RSAD2: variants seen among roughly 807,000 people sequenced by gnomAD.
The protein encoded by RSAD2 is S-adenosylmethionine-dependent nucleotide dehydratase RSAD2.
In RSAD2, 38 loss-of-function variants were observed where a neutral mutation model predicts 37.7. The observed-to-expected ratio is 1.01, with a 90% CI of 0.78 to 1.32. The LOEUF (loss-of-function observed/expected upper bound fraction) is 1.32, where lower values mean the gene tolerates loss of function less well. Ranked by LOEUF, RSAD2 falls within the 40% of genes most tolerant of loss-of-function variation. The pLI, the probability that RSAD2 is intolerant of heterozygous loss-of-function variation, is 0.00. For synonymous variants in RSAD2, 163 were observed against 157.4 expected, an observed-to-expected ratio of 1.04 and a Z score of -0.27; for missense variants, 428 against 437.5, an observed-to-expected ratio of 0.98 and a Z score of 0.19.
At chr2:6,882,914 C>T (rs1285086472) in intron 1 of RSAD2, among the ~76,000 whole-genome samples, 4 of 152,172 alleles carry the variant, frequency 2.6e-5, no homozygotes, top group Non-Finnish European at 5.9e-5. Flanking sequence ...TCCTGCTTTA[C>T]GTTTTTTTCA....
chr2:6,892,154 A>T (rs1183130607), intron 4 of RSAD2, among the ~76,000 whole-genome samples: 1 of 152,216 alleles, frequency 6.6e-6, no homozygotes, highest in Non-Finnish European at 1.5e-5. Context: ...CCAAAAATAC[A>T]TATACAGGAA....
At chr2:6,880,079 C>T (rs1014098722) in intron 1 of RSAD2, among the ~76,000 whole-genome samples, 3 of 151,950 alleles carry the variant, frequency 2.0e-5, no homozygotes, top group Non-Finnish European at 4.4e-5. Context: ...ATAATTAATA[C>T]TTTTATATAA....
chr2:6,881,219 G>A (rs557039534), intron 1 of RSAD2, among the ~76,000 whole-genome samples: 5 of 152,036 alleles, frequency 3.3e-5, no homozygotes, highest in Admixed American at 6.6e-5. Flanking sequence ...TTTTGTTTTC[G>A]GGTTATAATG....
chr2:6,875,277 C>T (rs556748029), upstream of RSAD2, among the ~76,000 whole-genome samples: 1 of 152,324 alleles, frequency 6.6e-6, no homozygotes, highest in Admixed American at 6.5e-5. Context: ...ACAGTTAAAT[C>T]CTGATAAAGT....
At position 6,887,070 on chromosome 2, in the gene RSAD2, G is replaced by T. The variant is rs1663536701; in HGVS notation, c.644G>T (p.Arg215Ile). 6.2e-7 allele frequency: 1 copy of T among 1,614,184 alleles called. No individual in the cohort carries two copies. The highest frequency in any genetic ancestry group is 8.5e-7 in the Non-Finnish European group (1 of 1,180,002). The part of the protein sequence containing the change: ...QKLRRWCRDY[R>I]VAFKINSVIN... ...CTGAGGAGGTGGTGTAGGGATTATAGAGTCGCTTTCAAGATAAATTCTGTC... is the reference window on the plus strand; with the variant it reads ...CTGAGGAGGTGGTGTAGGGATTATATAGTCGCTTTCAAGATAAATTCTGTC... The change falls in exon 3 of 6, where the codon AGA becomes ATA. Residue 215 changes from arginine (R) to isoleucine (I), a missense_variant. Transcript: ENST00000382040.
intron 1 of RSAD2, among the ~76,000 whole-genome samples, chr2:6,879,575 C>T (rs1663359752): frequency 6.6e-6 from 1 of 152,110 alleles, no homozygotes; most frequent in African/African-American, 2.4e-5. Context: ...CTCCTTGATC[C>T]TCTGCAGCCA....
At chr2:6,870,475 G>A (rs1663183805) in intron 1 of RSAD2, among the ~76,000 whole-genome samples, 1 of 152,194 alleles carries the variant, frequency 6.6e-6, no homozygotes, top group Non-Finnish European at 1.5e-5. Context: ...AGGTCCTCTG[G>A]TAAGTCTTCC....
At chr2:6,894,107 T>G (rs1459936666) in intron 5 of RSAD2, among the ~76,000 whole-genome samples, 2 of 152,206 alleles carry the variant, frequency 1.3e-5, no homozygotes, top group Admixed American at 6.5e-5. Context: ...ACTCTTCTCA[T>G]TATCTTGGAC....
chr2:6,875,158 C>G (rs1005950587), upstream of RSAD2, among the ~76,000 whole-genome samples: 1 of 152,152 alleles, frequency 6.6e-6, no homozygotes, highest in Admixed American at 6.5e-5. Flanking sequence ...GAAAAACTAA[C>G]GTGCACCTAC....
chr2:6,866,762 ACT>A (rs1333742575), intron 1 of RSAD2: 1 of 152,082 alleles, frequency 6.6e-6, no homozygotes, highest in Non-Finnish European at 1.5e-5. Context: ...CTCCAGGGAA[ACT>A]CTCTCAAAAA....
chr2:6,881,282 A>G (rs1663395069), intron 1 of RSAD2, among the ~76,000 whole-genome samples: 1 of 152,266 alleles, frequency 6.6e-6, no homozygotes, highest in East Asian at 1.9e-4. Context: ...GGGAGGTGAT[A>G]TAATGCCTCA....
intron 1 of RSAD2, among the ~76,000 whole-genome samples, chr2:6,868,196 T>C (rs1346264867): frequency 2.0e-5 from 3 of 151,824 alleles, no homozygotes; most frequent in African/African-American, 7.3e-5. Context: ...ATTCTGCTCC[T>C]AAGAAAAAAA....
chr2:6,891,180 A>C (rs972114977), intron 4 of RSAD2, among the ~76,000 whole-genome samples: 25 of 152,176 alleles, frequency 1.6e-4, no homozygotes, highest in Non-Finnish European at 7.3e-5. Flanking sequence ...AATGGGCATA[A>C]ATAGATAATT....
intron 1 of RSAD2, chr2:6,878,861 T>G: frequency 8.1e-7 from 1 of 1,230,130 alleles, no homozygotes; most frequent in Non-Finnish European, 1.1e-6. Context: ...CTCTAGCTTC[T>G]TTCCCTCCTT....
intron 3 of RSAD2, 85 bp downstream of exon 3, chr2:6,887,249 G>A (rs1307992780): frequency 2.0e-6 from 2 of 1,014,786 alleles, no homozygotes; most frequent in Non-Finnish European, 3.0e-6. Context: ...AAACAATACT[G>A]ATACAAGAGA....
chr2:6,871,511 A>G (rs1663203924), intron 1 of RSAD2, among the ~76,000 whole-genome samples: 1 of 152,184 alleles, frequency 6.6e-6, no homozygotes, highest in African/African-American at 2.4e-5. Flanking sequence ...TGAGATGTAA[A>G]TTTGCCACCC....
At chr2:6,875,630 T>C (rs1663268525), upstream of RSAD2, among the ~76,000 whole-genome samples, 1 of 152,204 alleles carries the variant, frequency 6.6e-6, no homozygotes, top group South Asian at 2.1e-4. Context: ...TCCAGGCCCA[T>C]ATTTTATTCT....
intron 1 of RSAD2, among the ~76,000 whole-genome samples, chr2:6,872,112 G>A (rs1663212834): frequency 6.6e-6 from 1 of 152,076 alleles, no homozygotes; most frequent in Admixed American, 6.6e-5. Flanking sequence ...GTTATGTTTT[G>A]TAATATGTTT....
rs1219336105 is a variant in RSAD2 at position 6,898,023 on chromosome 2, G to A, written c.*2081G>A. On this transcript the variant is annotated 3_prime_UTR_variant, in exon 6 of 6. Coordinates refer to ENST00000382040, the MANE Select transcript of RSAD2 (RefSeq NM_080657.5). ...AAAAAAAAAAAAAAAAAGCAAGAGA[G>A]TTCAACTAAGAAAGGTCACATATGT... is the stretch of plus-strand genomic sequence containing the variant. The A allele has an allele frequency of 2.0e-5, 3 of 149,688 alleles. No individual in the cohort carries two copies. The East Asian group carries it at 5.9e-4, about 29-fold the overall frequency. The allele number at this position is 149,688 out of a possible 1,614,324, so 9.3% of individuals were successfully genotyped here.
Sources: allele counts gnomAD v4.1 joint callset (sites outside exome capture counted in the v4.1 genomes callset), GRCh38; gene constraint gnomAD v4.1.1; transcripts MANE v1.5; gene names NCBI Gene and HGNC (gene_info 2026-07-23, HGNC 2026-07-21).